Variants in CDH18 observed in about 807,000 individuals in gnomAD.
The protein encoded by CDH18 is cadherin-18.
CDH18 carries 31 observed loss-of-function variants against 67.9 expected under a neutral mutation model. The ratio of observed to expected loss-of-function variants is 0.46; its 90% CI spans 0.34 to 0.62. The LOEUF (loss-of-function observed/expected upper bound fraction) is 0.62, where lower values mean the gene tolerates loss of function less well. Among genes scored for constraint, CDH18 ranks in the 20% least tolerant of loss-of-function variants. CDH18 has a pLI of 0.01. For missense variants in CDH18, 890 were observed against 975.5 expected, an observed-to-expected ratio of 0.91 and a Z score of 1.17; for synonymous variants, 362 against 347.2, an observed-to-expected ratio of 1.04 and a Z score of -0.48.
At position 19,473,285 on chromosome 5, in the gene CDH18, G is replaced by A; in HGVS notation, c.2314C>T (p.Pro772Ser). The change falls in exon 13 of 13, where the codon CCC (proline) becomes TCC (serine). Residue 772 changes from proline (P) to serine (S), a missense_variant. Physicochemically the swap from Pro to Ser is moderately conservative, Grantham distance 74. Around this residue, in one of 2 missense-constraint regions of CDH18, gnomAD observed 656 missense variants for 668.1 expected, o/e 0.98. Coordinates refer to ENST00000382275, the MANE Select transcript of CDH18 (RefSeq NM_004934.5). Reference protein sequence around the residue: ...QDYHYLGDWGPEFKKLAELYG... With the variant: ...QDYHYLGDWGSEFKKLAELYG... ...AGTTCAGCTAACTTTTTAAACTCGG[G>A]TCCCCAGTCTCCAAGGTAGTGATAA... The A allele has an allele frequency of 6.2e-7, 1 of 1,613,666 alleles. No individual in the cohort carries two copies. Among genetic ancestry groups the A allele is most frequent in the Non-Finnish European group, 8.5e-7 (1 of 1,179,818 alleles).
At chr5:20,296,161 A>T (rs549035674) in intron 1 of CDH18, among the ~76,000 whole-genome samples, 1 of 151,632 alleles carries the variant, frequency 6.6e-6, no homozygotes, top group African/African-American at 2.4e-5. Flanking sequence ...GGTGTCAGCC[A>T]TCGCGCCTGG....
intron 5 of CDH18, among the ~76,000 whole-genome samples, chr5:19,664,500 G>C (rs1757634506): frequency 6.6e-6 from 1 of 151,790 alleles, no homozygotes; most frequent in South Asian, 2.1e-4. Flanking sequence ...ACAAACAAAA[G>C]CCTGACTGTA....
chr5:20,081,290 C>T (rs1336725330), intron 2 of CDH18, among the ~76,000 whole-genome samples: 1 of 152,118 alleles, frequency 6.6e-6, no homozygotes, highest in Non-Finnish European at 1.5e-5. Context: ...AAGTCTGAAT[C>T]AGTCAGACTT....
At chr5:19,940,950 A>G in intron 2 of CDH18, among the ~76,000 whole-genome samples, 1 of 152,162 alleles carries the variant, frequency 6.6e-6, no homozygotes, top group East Asian at 1.9e-4. Context: ...CCAGTCTATT[A>G]TTTAAAAAAT....
At chr5:20,529,070 C>T (rs1756243192) in intron 1 of CDH18, among the ~76,000 whole-genome samples, 1 of 152,004 alleles carries the variant, frequency 6.6e-6, no homozygotes, top group Admixed American at 6.6e-5. Context: ...GATAACACCA[C>T]TGACCCCACA....
chr5:20,249,132 G>T (rs531195101), intron 2 of CDH18, among the ~76,000 whole-genome samples: 2 of 152,080 alleles, frequency 1.3e-5, no homozygotes, highest in African/African-American at 4.8e-5. Flanking sequence ...AGATATGTTA[G>T]TATTCAGCAT....
chr5:20,277,736 C>T (rs1745914646), intron 1 of CDH18, among the ~76,000 whole-genome samples: 1 of 151,934 alleles, frequency 6.6e-6, no homozygotes, highest in African/African-American at 2.4e-5. Flanking sequence ...TTCAAAATAG[C>T]CATTTTGAGG....
At chr5:19,799,033 A>G (rs1291374459) in intron 3 of CDH18, among the ~76,000 whole-genome samples, 1 of 152,114 alleles carries the variant, frequency 6.6e-6, no homozygotes, top group African/African-American at 2.4e-5. Flanking sequence ...TAGGTATTAC[A>G]AATAATGCCA....
intron 3 of CDH18, among the ~76,000 whole-genome samples, chr5:19,804,680 T>C (rs1777851933): frequency 6.6e-6 from 1 of 152,134 alleles, no homozygotes; most frequent in South Asian, 2.1e-4. Context: ...AGATAAGAGA[T>C]CAGGATGATT....
At chr5:19,570,901 G>A (rs1293153709) in intron 8 of CDH18, among the ~76,000 whole-genome samples, 1 of 152,034 alleles carries the variant, frequency 6.6e-6, no homozygotes, top group African/African-American at 2.4e-5. Context: ...CACATATTTG[G>A]AATTTGAGAT....
At chr5:20,114,160 C>T (rs972133360) in intron 2 of CDH18, among the ~76,000 whole-genome samples, 7 of 152,278 alleles carry the variant, frequency 4.6e-5, no homozygotes, top group African/African-American at 1.7e-4. Flanking sequence ...CTATCTGAAT[C>T]AAGGAGAGTT....
intron 5 of CDH18, among the ~76,000 whole-genome samples, chr5:19,666,837 CTATTA>C (rs1262362664): frequency 6.6e-6 from 1 of 152,050 alleles, no homozygotes; most frequent in East Asian, 1.9e-4. Context: ...CTTATACAAG[CTATTA>C]TATTATAATT....
intron 5 of CDH18, among the ~76,000 whole-genome samples, chr5:19,682,597 CAGAGG>C (rs1760491152): frequency 1.3e-5 from 2 of 152,054 alleles, no homozygotes; most frequent in African/African-American, 4.8e-5. Context: ...CTCCAGGAAG[CAGAGG>C]GCAGAGAGTG....
intron 1 of CDH18, among the ~76,000 whole-genome samples, chr5:20,376,257 C>A (rs1743430822): frequency 6.6e-6 from 1 of 151,166 alleles, no homozygotes; most frequent in South Asian, 2.1e-4. Context: ...CCTCGCCCAG[C>A]TAATTTTTTG....
rs1473205463 is a variant in CDH18, at chr5:19,492,507, T to G, written c.1631-8955A>C. 3.9e-5 allele frequency among the ~76,000 whole-genome samples: 6 copies of G among 152,258 alleles called. No individual in the cohort carries two copies. In the East Asian group the frequency reaches 1.2e-3, roughly 29 times the overall value. On this transcript the variant is annotated intron_variant, in intron 11 of 12. Coordinates refer to ENST00000382275, the MANE Select transcript of CDH18 (RefSeq NM_004934.5). ...ATTATACAATGAAATTATTTGATGT[T>G]AAAATTAAAAGTTGACATCACAACT...
chr5:19,584,873 T>C (rs1743906738), intron 7 of CDH18, among the ~76,000 whole-genome samples: 2 of 150,768 alleles, frequency 1.3e-5, no homozygotes, highest in Non-Finnish European at 1.5e-5. Context: ...TGCTCACCTG[T>C]GGTCCCAGCT....
chr5:20,417,140 G>C (rs189471456), intron 1 of CDH18, among the ~76,000 whole-genome samples: 2 of 152,018 alleles, frequency 1.3e-5, no homozygotes, highest in Non-Finnish European at 2.9e-5. Flanking sequence ...ATGTATTAAT[G>C]AATCATTTTT....
intron 5 of CDH18, 52 bp downstream of exon 5, chr5:19,721,295 G>T: frequency 2.0e-6 from 3 of 1,486,990 alleles, no homozygotes; most frequent in Non-Finnish European, 1.8e-6. Flanking sequence ...CCATTGCTTT[G>T]CAACTTACTG....
At chr5:19,516,704 T>A (rs1160985109) in intron 10 of CDH18, among the ~76,000 whole-genome samples, 1 of 152,186 alleles carries the variant, frequency 6.6e-6, no homozygotes, top group East Asian at 1.9e-4. Context: ...ATCCCCTTTA[T>A]CATTTTTTAT....
Sources: allele counts gnomAD v4.1 joint callset (sites outside exome capture counted in the v4.1 genomes callset), GRCh38; gene constraint gnomAD v4.1.1; regional missense constraint gnomAD v4.1.1; transcripts MANE v1.5; gene names NCBI Gene and HGNC (gene_info 2026-07-23, HGNC 2026-07-21).